SNTA1: variants seen among roughly 807,000 people sequenced by gnomAD.
SNTA1 encodes the protein syntrophin alpha 1, also known as alpha-1-syntrophin.
In SNTA1, 31 loss-of-function variants were observed where a neutral mutation model predicts 47.1. The observed-to-expected ratio is 0.66, with a 90% CI of 0.49 to 0.89. The LOEUF is 0.89. SNTA1 is among the 40% of genes least tolerant of loss of function. The pLI, the probability that SNTA1 is intolerant of heterozygous loss-of-function variation, is 0.00. For synonymous variants in SNTA1, 300 were observed against 313.6 expected, an observed-to-expected ratio of 0.96 and a Z score of 0.46; for missense variants, 575 against 693.0, an observed-to-expected ratio of 0.83 and a Z score of 1.91.
Position 33,408,431 on chromosome 20 carries a change from A to T in SNTA1, c.*76T>A, listed in dbSNP as rs1307170297. The T allele has an allele frequency of 4.8e-6, 5 of 1,039,546 alleles. No homozygotes were observed. The African/African-American group carries it at 7.9e-5, about 16-fold the overall frequency. 64.4% of individuals were successfully genotyped at this position (1,039,546 alleles called of 1,614,324 possible). On this transcript the variant is annotated 3_prime_UTR_variant, in exon 8 of 8. Coordinates refer to ENST00000217381, the MANE Select transcript of SNTA1 (RefSeq NM_003098.3). ...TCTCCCTTCCCTCAGCCCAGGGGTG[A>T]GCAGGCAGTCGGTGGAGGCCCAGCT...
At chr20:33,412,839 C>G (rs1484183556) in intron 3 of SNTA1, 57 bp from the exon 4 acceptor site, 2 of 1,284,256 alleles carry the variant, frequency 1.6e-6, no homozygotes, top group Non-Finnish European at 2.2e-6. Flanking sequence ...AGCTGCCCAA[C>G]CCTGGCCCAA....
Position 33,443,487 on chromosome 20 carries a change from GC to G in SNTA1, c.133del (p.Ala45ProfsTer44). 2 of 1,378,216 alleles carry G rather than the reference GC, an allele frequency of 1.5e-6. No homozygotes were observed. Among genetic ancestry groups the G allele is most frequent in the South Asian group, 3.1e-5 (2 of 63,498 alleles). 85.4% of individuals were successfully genotyped at this position (1,378,216 alleles called of 1,614,324 possible). A position where few individuals can be genotyped will look rare whatever the true frequency, so the allele number is the denominator to read the frequency against. On this transcript the variant is annotated frameshift_variant, in exon 1 of 8. Transcript: ENST00000217381. LOFTEE classifies it high-confidence loss of function. ...LAEDVLTVSP[A>X]DGDPGPEPGA... ...GGGCTCGGGACCAGGGTCGCCGTCG[GC>G]GGGGCTCACGGTCAGCACGTCCTCC...
chr20:33,441,971 G>C (rs751994022), intron 1 of SNTA1, among the ~76,000 whole-genome samples: 5 of 152,024 alleles, frequency 3.3e-5, no homozygotes, highest in Non-Finnish European at 5.9e-5. Flanking sequence ...GGCTGCCTGG[G>C]GATCTGCCCT....
intron 5 of SNTA1, among the ~76,000 whole-genome samples, chr20:33,411,933 A>G (rs907009825): frequency 6.6e-6 from 1 of 152,030 alleles, no homozygotes; most frequent in African/African-American, 2.4e-5. Context: ...TACTACCCCA[A>G]CAGAGTTAAG....
intron 2 of SNTA1, among the ~76,000 whole-genome samples, chr20:33,438,074 G>T (rs1317535950): frequency 6.6e-6 from 1 of 152,190 alleles, no homozygotes; most frequent in East Asian, 1.9e-4. Flanking sequence ...ACTGAGGTGG[G>T]TGGATCACCT....
chr20:33,421,634 A>AAAAATAAT (rs1283421154), intron 2 of SNTA1, among the ~76,000 whole-genome samples: 1 of 150,342 alleles, frequency 6.7e-6, no homozygotes, highest in Admixed American at 6.6e-5. Context: ...AATAAAAATA[A>AAAAATAAT]AAAATAATAA....
intron 2 of SNTA1, among the ~76,000 whole-genome samples, chr20:33,437,515 T>C (rs556039731): frequency 6.6e-6 from 1 of 152,138 alleles, no homozygotes; most frequent in East Asian, 1.9e-4. Flanking sequence ...TACATTTTAT[T>C]TTCTTTATTT....
At chr20:33,432,413 A>G (rs1201700937) in intron 2 of SNTA1, among the ~76,000 whole-genome samples, 1 of 152,200 alleles carries the variant, frequency 6.6e-6, no homozygotes, top group Non-Finnish European at 1.5e-5. Flanking sequence ...AGTCAACAGC[A>G]ATTGAAAAGG....
chr20:33,424,319 A>G (rs1398571206), intron 2 of SNTA1, among the ~76,000 whole-genome samples: 1 of 151,730 alleles, frequency 6.6e-6, no homozygotes, highest in East Asian at 1.9e-4. Context: ...CATCTCAAAA[A>G]AAAAAAAAGA....
intron 1 of SNTA1, among the ~76,000 whole-genome samples, chr20:33,440,430 G>A (rs1990550911): frequency 6.6e-6 from 1 of 151,958 alleles, no homozygotes; most frequent in African/African-American, 2.4e-5. Context: ...ACTCCAGCCT[G>A]GGCAATAAGA....
At position 33,417,818 on chromosome 20, in the gene SNTA1, G is replaced by T. The variant is rs1348837893; in HGVS notation, c.602C>A (p.Ser201Tyr). The T allele has an allele frequency of 1.2e-6, 2 of 1,613,958 alleles. No individual in the cohort carries two copies. Among genetic ancestry groups the T allele is most frequent in the Non-Finnish European group, 1.7e-6 (2 of 1,179,988 alleles). The change falls in exon 3 of 8, where the codon TCC becomes TAC. Residue 201 changes from serine (S) to tyrosine (Y), a missense_variant. Transcript: ENST00000217381. ...GAAGTTCCGGGGTGTGGGGCCAGGG[G>T]AGGAAGGCTGCCGCTGAAGGGGTGA... is the stretch of plus-strand genomic sequence containing the variant. ...PASPLQRQPS[S>Y]PGPTPRNFSE...
intron 2 of SNTA1, among the ~76,000 whole-genome samples, chr20:33,429,201 G>A (rs762572207): frequency 1.5e-4 from 22 of 151,658 alleles, no homozygotes; most frequent in African/African-American, 4.8e-4. Context: ...GCCAGGCATG[G>A]TGGCACATGC....
chr20:33,439,036 T>TA lies in SNTA1; in HGVS notation c.311-11dup. 6.2e-7 allele frequency: 1 copy of TA among 1,613,348 alleles called. No homozygotes were observed. The stretch of plus-strand genomic sequence containing the variant: ...TTGTTCTCCCGGCCGCCTGCACAGG[T>TA]ACAGAAGGAGGACAAGACTTAGGCA... On this transcript the variant is annotated splice_polypyrimidine_tract_variant and intron_variant, in intron 1 of 7. Transcript: ENST00000217381.
At chr20:33,433,132 T>G (rs1447483666) in intron 2 of SNTA1, among the ~76,000 whole-genome samples, 1 of 151,748 alleles carries the variant, frequency 6.6e-6, no homozygotes, top group Admixed American at 6.6e-5. Flanking sequence ...GTTTCACCAT[T>G]TTGGCCAGGC....
chr20:33,425,585 C>G (rs1311715073), intron 2 of SNTA1, among the ~76,000 whole-genome samples: 1 of 152,126 alleles, frequency 6.6e-6, no homozygotes, highest in Non-Finnish European at 1.5e-5. Flanking sequence ...TTACTTGAGC[C>G]TGGAAGGCAG....
chr20:33,438,457 T>C (rs965285376), intron 2 of SNTA1, among the ~76,000 whole-genome samples: 3 of 152,020 alleles, frequency 2.0e-5, no homozygotes, highest in Non-Finnish European at 4.4e-5. Flanking sequence ...CGCACCCCTC[T>C]CTCCCTGTGT....
chr20:33,414,463 G>A (rs1222287814), intron 3 of SNTA1, among the ~76,000 whole-genome samples: 2 of 149,984 alleles, frequency 1.3e-5, no homozygotes, highest in South Asian at 2.1e-4. Context: ...ACGTCATGGC[G>A]GGCACCTGTG....
chr20:33,413,637 A>AG (rs1989801999), intron 3 of SNTA1, among the ~76,000 whole-genome samples: 1 of 151,976 alleles, frequency 6.6e-6, no homozygotes, highest in Non-Finnish European at 1.5e-5. Flanking sequence ...AAAAAAAAAA[A>AG]AAAAACTAAG....
chr20:33,443,662 C>G lies in SNTA1; in HGVS notation c.-42G>C, dbSNP rs921708182. ...CCGGGCCGCCGCGCTCGCCCTGTCC[C>G]GCTTTGCCCAGCCCGCTCCGACCAA... On this transcript the variant is annotated 5_prime_UTR_variant, in exon 1 of 8. Transcript: ENST00000217381. The G allele has an allele frequency of 8.7e-7, 1 of 1,149,710 alleles. No homozygotes were observed. Among genetic ancestry groups the G allele is most frequent in the African/African-American group, 1.6e-5 (1 of 61,170 alleles). 71.2% of individuals were successfully genotyped at this position (1,149,710 alleles called of 1,614,324 possible). A position where few individuals can be genotyped will look rare whatever the true frequency, so the allele number is the denominator to read the frequency against.
Sources: allele counts gnomAD v4.1 joint callset (sites outside exome capture counted in the v4.1 genomes callset), GRCh38; gene constraint gnomAD v4.1.1; transcripts MANE v1.5; gene names NCBI Gene and HGNC (gene_info 2026-07-23, HGNC 2026-07-21).